RPL4: variants seen among roughly 807,000 people sequenced by gnomAD.
The protein encoded by RPL4 is large ribosomal subunit protein uL4.
A neutral mutation model predicts 47.7 loss-of-function variants in RPL4; 3 were observed. That is an observed-to-expected ratio of 0.06 (90% CI 0.03 to 0.16). RPL4 has a LOEUF of 0.16. Ranked by LOEUF, RPL4 falls within the 10% of genes least tolerant of loss-of-function variation. The probability of loss-of-function intolerance (pLI) is 1.00; values close to 1 mark genes in which losing one functional copy is unlikely to be tolerated. For synonymous variants in RPL4, 208 were observed against 182.1 expected, an observed-to-expected ratio of 1.14 and a Z score of -1.15; for missense variants, 413 against 551.3, an observed-to-expected ratio of 0.75 and a Z score of 2.51.
At chr15:66,500,233 T>C in intron 8 of RPL4, 57 bp from the exon 9 acceptor site, 1 of 1,613,512 alleles carries the variant, frequency 6.2e-7, no homozygotes, top group Non-Finnish European at 8.5e-7. Context: ...ACATACAAAT[T>C]TTTGAAACAA....
rs200722091 is a variant in RPL4, at chr15:66,502,593, T to A, written c.421+19A>T. On this transcript the variant is annotated intron_variant, in intron 4 of 9. Transcript: ENST00000307961. Reference sequence around the variant, plus strand: ...TCTTATTTCTTCTATCAAACTCTCTTATATAAAGTATTACAAACCTTTAGA... The same window carrying A: ...TCTTATTTCTTCTATCAAACTCTCTAATATAAAGTATTACAAACCTTTAGA... The A allele has an allele frequency of 1.9e-6, 3 of 1,608,144 alleles. No homozygotes were observed. The highest frequency in any genetic ancestry group is 1.3e-5 in the African/African-American group (1 of 74,762).
intron 7 of RPL4, 155 bp from the exon 8 acceptor site, chr15:66,500,531 C>G (rs1893589018): frequency 1.5e-6 from 1 of 676,696 alleles, no homozygotes; most frequent in Non-Finnish European, 2.5e-6. Context: ...TGGTGGCTCA[C>G]CCCTATAATC....
rs114665352 is a variant in RPL4, at chr15:66,502,443, C to T, written c.421+169G>A. 1.3e-3 allele frequency: 923 copies of T among 695,044 alleles called. 7 individuals carry two copies. The African/African-American group carries it at 0.015, about 11-fold the overall frequency. The allele number at this position is 695,044 out of a possible 1,614,324, so 43.1% of individuals were successfully genotyped here. ...ATGCACTCATTTGTCAAGATCAAATCAGTGTAACTGGAATATCCATGAACT... is the reference window on the plus strand; with the variant it reads ...ATGCACTCATTTGTCAAGATCAAATTAGTGTAACTGGAATATCCATGAACT... On this transcript the variant is annotated intron_variant, in intron 4 of 9. Coordinates refer to ENST00000307961, the MANE Select transcript of RPL4 (RefSeq NM_000968.4).
chr15:66,503,180 G>C lies in RPL4; in HGVS notation c.176-16C>G, dbSNP rs766775453. 1 of 1,611,866 alleles carries C rather than the reference G, an allele frequency of 6.2e-7. No homozygotes were observed. The highest frequency in any genetic ancestry group is 8.5e-7 in the Non-Finnish European group (1 of 1,178,288). ...GTCTGATGACCTAAAATTGAGAAGAGATAAAAGTTGTAGCTGCTTCATCAT... is the reference window on the plus strand; with the variant it reads ...GTCTGATGACCTAAAATTGAGAAGACATAAAAGTTGTAGCTGCTTCATCAT... On this transcript the variant is annotated splice_polypyrimidine_tract_variant and intron_variant, in intron 2 of 9. Transcript: ENST00000307961.
rs892783682 is a variant in RPL4 at position 66,499,793 on chromosome 15, G to A, written c.1039-141C>T. ...AATCCCAGCACTTTGGGAGGCCGAGGCAGGTGAATCACCTGAGGTCAGGAG... is the reference window on the plus strand; with the variant it reads ...AATCCCAGCACTTTGGGAGGCCGAGACAGGTGAATCACCTGAGGTCAGGAG... On this transcript the variant is annotated intron_variant, in intron 9 of 9. Coordinates refer to ENST00000307961, the MANE Select transcript of RPL4 (RefSeq NM_000968.4). 11 of 1,186,464 alleles carry A rather than the reference G, an allele frequency of 9.3e-6. No homozygotes were observed. In the African/African-American group the frequency reaches 1.5e-4, roughly 17 times the overall value. 73.5% of individuals were successfully genotyped at this position (1,186,464 alleles called of 1,614,324 possible). A position where few individuals can be genotyped will look rare whatever the true frequency, so the allele number is the denominator to read the frequency against.
At position 66,500,672 on chromosome 15, in the gene RPL4, C is replaced by T. The variant is rs575473887; in HGVS notation, c.833+277G>A. 9 of 542,788 alleles carry T rather than the reference C, an allele frequency of 1.7e-5. No homozygotes were observed. In the East Asian group the frequency reaches 2.6e-4, roughly 16 times the overall value. 33.6% of individuals were successfully genotyped at this position (542,788 alleles called of 1,614,324 possible). ...TGGCACAAGCCTGTAGTCCCAGGTACTTGGGAGGCTGAGACAGGAGAACTG... is the reference window on the plus strand; with the variant it reads ...TGGCACAAGCCTGTAGTCCCAGGTATTTGGGAGGCTGAGACAGGAGAACTG... On this transcript the variant is annotated intron_variant, in intron 7 of 9. Transcript: ENST00000307961.
At chr15:66,499,918 G>C (rs1893575422) in intron 9 of RPL4, 138 bp downstream of exon 9, 1 of 1,142,406 alleles carries the variant, frequency 8.8e-7, no homozygotes, top group East Asian at 2.5e-5. Flanking sequence ...AGCTACTTGG[G>C]AGGCTGAGAC....
At chr15:66,500,730 C>T in intron 7 of RPL4, 2 of 593,706 alleles carry the variant, frequency 3.4e-6, no homozygotes, top group Non-Finnish European at 5.8e-6. Context: ...TGCAGTAAGC[C>T]ACGATCACAC....
At chr15:66,502,957 A>G (rs567657102) in intron 3 of RPL4, 101 bp downstream of exon 3, 75 of 1,365,088 alleles carry the variant, frequency 5.5e-5, no homozygotes, top group Non-Finnish European at 7.4e-5. Context: ...TCAAGACAAA[A>G]AAAAGTAATA....
chr15:66,501,379 G>A lies in RPL4; in HGVS notation c.672C>T (p.Ile224=), dbSNP rs1438401861. Reference sequence around the variant, plus strand: ...ATATGTAAGCAGTTTAATTACCAGGGATGTTTCTGAAGGCCTTGATGATAC... The same window carrying A: ...ATATGTAAGCAGTTTAATTACCAGGAATGTTTCTGAAGGCCTTGATGATAC... ...DNGIIKAFRN[I]PGITLLNVSK... is the part of the protein sequence containing the mutation. Residue 224 remains isoleucine, a synonymous_variant, in exon 6 of 10, where the codon ATC becomes ATT. Transcript: ENST00000307961. 6.2e-7 allele frequency: 1 copy of A among 1,614,128 alleles called. No individual in the cohort carries two copies. The highest frequency in any genetic ancestry group is 8.5e-7 in the Non-Finnish European group (1 of 1,180,004).
Position 66,498,938 on chromosome 15 carries a change from T to C in RPL4, c.*469A>G, listed in dbSNP as rs147832496. 1.8e-5 allele frequency: 3 copies of C among 163,044 alleles called. No individual in the cohort carries two copies. Among genetic ancestry groups the C allele is most frequent in the Admixed American group, 5.9e-5 (1 of 16,808 alleles). The allele number at this position is 163,044 out of a possible 1,614,324, so 10.1% of individuals were successfully genotyped here. A position where few individuals can be genotyped will look rare whatever the true frequency, so the allele number is the denominator to read the frequency against. On this transcript the variant is annotated 3_prime_UTR_variant, in exon 10 of 10. Coordinates refer to ENST00000307961, the MANE Select transcript of RPL4 (RefSeq NM_000968.4). ...GTGAAAATACTCAACTCTATTGTTA[T>C]AGCTGGTTAAAAAGAACACTTCTCA...
Position 66,498,056 on chromosome 15 carries a change from C to G in RPL4, c.*1351G>C. On this transcript the variant is annotated 3_prime_UTR_variant, in exon 10 of 10. Coordinates refer to ENST00000307961, the MANE Select transcript of RPL4 (RefSeq NM_000968.4). ...TTTAATCCGATAGGCCATTTGCGCACCAAGTGGTCAAACACCGTTTCAAAT... is the reference window on the plus strand; with the variant it reads ...TTTAATCCGATAGGCCATTTGCGCAGCAAGTGGTCAAACACCGTTTCAAAT... 1 of 337,468 alleles carries G rather than the reference C, an allele frequency of 3.0e-6. No individual in the cohort carries two copies. The highest frequency in any genetic ancestry group is 5.5e-6 in the Non-Finnish European group (1 of 181,152). 20.9% of individuals were successfully genotyped at this position (337,468 alleles called of 1,614,324 possible).
chr15:66,501,279 T>C (rs761937893), intron 6 of RPL4, 96 bp downstream of exon 6: 47 of 1,590,766 alleles, frequency 3.0e-5, no homozygotes, highest in Admixed American at 2.8e-4. Flanking sequence ...AATCATTTGT[T>C]TCAGAAACAC....
At chr15:66,499,895 C>T (rs189064385) in intron 9 of RPL4, 161 bp downstream of exon 9, 28 of 973,488 alleles carry the variant, frequency 2.9e-5, no homozygotes, top group Middle Eastern at 3.3e-4. Context: ...TGGTGGCGTG[C>T]GCCTGTAGTG....
chr15:66,500,232 T>C (rs1195181127), intron 8 of RPL4, 56 bp from the exon 9 acceptor site: 4 of 1,613,360 alleles, frequency 2.5e-6, no homozygotes, highest in African/African-American at 1.3e-5. Flanking sequence ...CACATACAAA[T>C]TTTTGAAACA....
Position 66,499,353 on chromosome 15 carries a change from A to G in RPL4, c.*54T>C. 6.4e-7 allele frequency: 1 copy of G among 1,556,204 alleles called. No individual in the cohort carries two copies. Among genetic ancestry groups the G allele is most frequent in the Non-Finnish European group, 8.6e-7 (1 of 1,158,068 alleles). On this transcript the variant is annotated 3_prime_UTR_variant, in exon 10 of 10. Transcript: ENST00000307961. ...TGCCTGTATAATCAGGTCTTTATTC[A>G]AAAGAAGCTGTCCAAAATGATTTGA...
rs1595895226 is a variant in RPL4, at chr15:66,500,597, C to G, written c.834-221G>C. 15 of 565,244 alleles carry G rather than the reference C, an allele frequency of 2.7e-5. No individual in the cohort carries two copies. In the East Asian group the frequency reaches 4.3e-4, roughly 16 times the overall value. 35.0% of individuals were successfully genotyped at this position (565,244 alleles called of 1,614,324 possible). The stretch of plus-strand genomic sequence containing the variant: ...TCACCTAAGGTCAGGAGTTCCAGAC[C>G]AGCCTGGCCAACATGGTAAAACCCC... On this transcript the variant is annotated intron_variant, in intron 7 of 9. Transcript: ENST00000307961.
At position 66,500,956 on chromosome 15, in the gene RPL4, T is replaced by G; in HGVS notation, c.826A>C (p.Asn276His). ...TWRKAASLKSNYNLPMHKMIN... is the reference protein window; with the variant it reads ...TWRKAASLKSHYNLPMHKMIN... ...TATATGAAAGATACTTACTTGTAGT[T>G]ACTCTTGAGGGAAGCGGCTTTACGC... The change falls in exon 7 of 10, where the codon AAC becomes CAC. Residue 276 changes from asparagine to histidine, a missense_variant. This residue lies in a region of RPL4 where 214 missense variants were observed against 304.2 expected (regional missense o/e 0.70). Coordinates refer to ENST00000307961, the MANE Select transcript of RPL4 (RefSeq NM_000968.4). 1 of 1,613,638 alleles carries G rather than the reference T, an allele frequency of 6.2e-7. No homozygotes were observed. Among genetic ancestry groups the G allele is most frequent in the Admixed American group, 1.7e-5 (1 of 59,894 alleles).
chr15:66,499,751 C>T (rs1310170390), intron 9 of RPL4, 99 bp from the exon 10 acceptor site: 40 of 1,509,146 alleles, frequency 2.7e-5, no homozygotes, highest in East Asian at 6.9e-5. Context: ...CAGCCGGGCA[C>T]GGTGGCTCAC....
Sources: gnomAD v4.1 joint callset for allele counts on GRCh38, gnomAD v4.1.1 for gene constraint, gnomAD v4.1.1 regional missense constraint, MANE v1.5 for transcripts, NCBI Gene and HGNC (gene_info 2026-07-23, HGNC 2026-07-21) for gene names.